Variants in EGLN1 observed in about 807,000 individuals in gnomAD.
EGLN1 encodes the protein egl-9 family hypoxia inducible factor 1.
EGLN1 carries 17 observed loss-of-function variants against 38.3 expected under a neutral mutation model. The observed-to-expected ratio is 0.44, with a 90% CI of 0.30 to 0.67. The LOEUF (loss-of-function observed/expected upper bound fraction) is 0.67, where lower values mean the gene tolerates loss of function less well. Among genes scored for constraint, EGLN1 ranks in the 30% least tolerant of loss-of-function variants. The pLI, the probability that EGLN1 is intolerant of heterozygous loss-of-function variation, is 0.08. For synonymous variants in EGLN1, 283 were observed against 257.5 expected (o/e 1.10, Z -0.95); for missense variants, 477 against 603.3 (o/e 0.79, Z 2.19).
intron 1 of EGLN1, among the ~76,000 whole-genome samples, chr1:231,404,063 C>T (rs908840469): frequency 5.3e-5 from 8 of 152,022 alleles, no homozygotes; most frequent in Non-Finnish European, 1.2e-4. Context: ...ACTAAAAAAG[C>T]TACTCCCTAT....
At chr1:231,371,240 A>C (rs1687814512) in intron 2 of EGLN1, among the ~76,000 whole-genome samples, 1 of 152,218 alleles carries the variant, frequency 6.6e-6, no homozygotes, top group African/African-American at 2.4e-5. Context: ...TGTTATCTGA[A>C]TTTAAAAGTC....
chr1:231,397,910 C>G (rs546542162), intron 1 of EGLN1, among the ~76,000 whole-genome samples: 15 of 152,144 alleles, frequency 9.9e-5, no homozygotes, highest in Admixed American at 3.3e-4. Context: ...TACTACTACA[C>G]AGAGGTCAAA....
intron 2 of EGLN1, among the ~76,000 whole-genome samples, chr1:231,373,384 T>C (rs553833386): frequency 6.6e-6 from 1 of 152,316 alleles, no homozygotes; most frequent in Non-Finnish European, 1.5e-5. Flanking sequence ...GAAATGTTTT[T>C]CTAAAAACTA....
At chr1:231,372,108 T>C (rs973399214) in intron 2 of EGLN1, among the ~76,000 whole-genome samples, 16 of 152,296 alleles carry the variant, frequency 1.1e-4, no homozygotes, top group Non-Finnish European at 2.2e-4. Flanking sequence ...CTGCTGAAAA[T>C]GTTTTAAGTG....
intron 1 of EGLN1, among the ~76,000 whole-genome samples, chr1:231,382,278 G>C (rs1315327703): frequency 6.6e-6 from 1 of 152,184 alleles, no homozygotes; most frequent in Non-Finnish European, 1.5e-5. Flanking sequence ...GGCACAAACA[G>C]TGTAATTATT....
chr1:231,366,222 T>C lies in EGLN1; in HGVS notation c.*189A>G, dbSNP rs1572013344. 4.8e-6 allele frequency: 3 copies of C among 628,020 alleles called. No homozygotes were observed. The East Asian group carries it at 8.2e-5, about 17-fold the overall frequency. The allele number at this position is 628,020 out of a possible 1,614,324, so 38.9% of individuals were successfully genotyped here. On this transcript the variant is annotated 3_prime_UTR_variant, in exon 5 of 5. Coordinates refer to ENST00000366641, the MANE Select transcript of EGLN1 (RefSeq NM_022051.3). ...CCTGTAAGCAATCACAGATTTGAAGTTGATCATGCAGTACAAAGTCACAGC... is the reference window on the plus strand; with the variant it reads ...CCTGTAAGCAATCACAGATTTGAAGCTGATCATGCAGTACAAAGTCACAGC...
At chr1:231,369,785 G>C (rs1687769296) in intron 3 of EGLN1, among the ~76,000 whole-genome samples, 1 of 152,086 alleles carries the variant, frequency 6.6e-6, no homozygotes, top group Non-Finnish European at 1.5e-5. Flanking sequence ...AATGCCGGAA[G>C]CTCACTATCA....
At chr1:231,415,366 T>C (rs1689054145) in intron 1 of EGLN1, among the ~76,000 whole-genome samples, 1 of 152,060 alleles carries the variant, frequency 6.6e-6, no homozygotes, top group Non-Finnish European at 1.5e-5. Flanking sequence ...CAAAGGTCTG[T>C]TGATTTTGTC....
intron 1 of EGLN1, among the ~76,000 whole-genome samples, chr1:231,407,511 C>T (rs999317267): frequency 2.6e-5 from 4 of 152,120 alleles, no homozygotes; most frequent in South Asian, 2.1e-4. Flanking sequence ...TTTGCATCTG[C>T]TTTCTAGCTA....
intron 1 of EGLN1, among the ~76,000 whole-genome samples, chr1:231,392,815 A>G (rs1688427268): frequency 6.6e-6 from 1 of 152,144 alleles, no homozygotes; most frequent in African/African-American, 2.4e-5. Flanking sequence ...ATCCCTGTCC[A>G]CGTGTGGACA....
At chr1:231,368,258 C>T (rs190034252) in intron 3 of EGLN1, among the ~76,000 whole-genome samples, 72 of 152,166 alleles carry the variant, frequency 4.7e-4, no homozygotes, top group African/African-American at 1.7e-3. Flanking sequence ...ATCAATAGCA[C>T]AAGTACTAAA....
At chr1:231,384,844 T>G (rs1040471271) in intron 1 of EGLN1, among the ~76,000 whole-genome samples, 1 of 152,206 alleles carries the variant, frequency 6.6e-6, no homozygotes, top group Admixed American at 6.5e-5. Context: ...GCTGCTTTTG[T>G]GCCCCAACTC....
chr1:231,366,341 T>C lies in EGLN1; in HGVS notation c.*70A>G, dbSNP rs994617734. 1.3e-6 allele frequency: 2 copies of C among 1,525,742 alleles called. No individual in the cohort carries two copies. Among genetic ancestry groups the C allele is most frequent in the African/African-American group, 2.7e-5 (2 of 72,800 alleles). The allele number at this position is 1,525,742 out of a possible 1,614,324, so 94.5% of individuals were successfully genotyped here. The stretch of plus-strand genomic sequence containing the variant: ...TGTCTATTTTTCTTTATCCCATTTA[T>C]TCGTATTCACAAGTTAACAAATAGT... On this transcript the variant is annotated 3_prime_UTR_variant, in exon 5 of 5. Transcript: ENST00000366641.
Position 231,367,589 on chromosome 1 carries a change from G to A in EGLN1, c.1196C>T (p.Ala399Val). 6.2e-7 allele frequency: 1 copy of A among 1,613,978 alleles called. No individual in the cohort carries two copies. Among genetic ancestry groups the A allele is most frequent in the Non-Finnish European group, 8.5e-7 (1 of 1,180,002 alleles). ...WYFDADERAR[A>V]KVKYLTGEKG... ...TTTACCTGTTAGATATTTTACTTTA[G>A]CTCGTGCTCTCTCATCTGCATCAAA... Residue 399 changes from alanine (A) to valine (V), a missense_variant, in exon 4 of 5, where the codon GCT (alanine) becomes GTT (valine). This residue lies in a region of EGLN1 where 59 missense variants were observed against 119.0 expected (regional missense o/e 0.50). Transcript: ENST00000366641.
At chr1:231,402,855 GA>G (rs1331994920) in intron 1 of EGLN1, among the ~76,000 whole-genome samples, 17 of 131,988 alleles carry the variant, frequency 1.3e-4, no homozygotes, top group Non-Finnish European at 2.1e-4. Flanking sequence ...ATTTACAGAA[GA>G]AAAAAAAAAG....
At chr1:231,418,595 G>A (rs931761797) in intron 1 of EGLN1, among the ~76,000 whole-genome samples, 20 of 152,158 alleles carry the variant, frequency 1.3e-4, no homozygotes, top group African/African-American at 3.6e-4. Flanking sequence ...CAGGTGAGGT[G>A]GTTCAAGTCT....
chr1:231,401,067 T>C (rs775474557), intron 1 of EGLN1, among the ~76,000 whole-genome samples: 25 of 151,954 alleles, frequency 1.6e-4, no homozygotes, highest in African/African-American at 5.8e-4. Context: ...AACAAATAAA[T>C]AAACAAGAAA....
chr1:231,376,694 G>A (rs781721810), intron 1 of EGLN1, among the ~76,000 whole-genome samples: 1 of 152,140 alleles, frequency 6.6e-6, no homozygotes, highest in Non-Finnish European at 1.5e-5. Flanking sequence ...ATAATGTAAT[G>A]TTAGGTAGTG....
chr1:231,384,834 G>T (rs907591473), intron 1 of EGLN1, among the ~76,000 whole-genome samples: 1 of 152,288 alleles, frequency 6.6e-6, no homozygotes, highest in Non-Finnish European at 1.5e-5. Flanking sequence ...ATTCTCTATG[G>T]CTGCTTTTGT....
Sources: gnomAD v4.1 joint callset for allele counts (sites outside exome capture counted in the v4.1 genomes callset) on GRCh38, gnomAD v4.1.1 for gene constraint, gnomAD v4.1.1 regional missense constraint, MANE v1.5 for transcripts, NCBI Gene and HGNC (gene_info 2026-07-23, HGNC 2026-07-21) for gene names.